The following GSE1 variants were observed in gnomAD, a reference collection of about 807,000 sequenced individuals.
The protein encoded by GSE1 is Gse1 coiled-coil protein.
In GSE1, 32 loss-of-function variants were observed where a neutral mutation model predicts 112.6. That is an observed-to-expected ratio of 0.28 (90% CI 0.21 to 0.38). The LOEUF is 0.38. Ranked by LOEUF, GSE1 falls within the 10% of genes least tolerant of loss-of-function variation. The probability of loss-of-function intolerance (pLI) is 1.00; values close to 1 mark genes in which losing one functional copy is unlikely to be tolerated. For missense variants in GSE1, 2,348 were observed against 1,699.2 expected (o/e 1.38, Z -6.71); for synonymous variants, 1,115 against 735.6 (o/e 1.52, Z -8.35).
rs1228484722 is a variant in GSE1, at chr16:85,673,822, G to C, written c.*1283G>C. The C allele has an allele frequency of 6.6e-6, 1 of 152,232 alleles. No homozygotes were observed. Among genetic ancestry groups the C allele is most frequent in the Admixed American group, 6.5e-5 (1 of 15,286 alleles). The allele number at this position is 152,232 out of a possible 1,614,324, so 9.4% of individuals were successfully genotyped here. On this transcript the variant is annotated 3_prime_UTR_variant, in exon 16 of 16. Transcript: ENST00000253458. ...GGGGCTTTTAAAAACCTTTCAGGAAGTCAATGATTTCTGTGATTGATATAA... is the reference window on the plus strand; with the variant it reads ...GGGGCTTTTAAAAACCTTTCAGGAACTCAATGATTTCTGTGATTGATATAA...
chr16:85,670,719 AG>A lies in GSE1; in HGVS notation c.3416-274del, dbSNP rs2053261381. ...TTTTTTTTTTGAAAGCTGCATTTTA[AG>A]GCCATCAAATTTCTTCCTAATCTGT... is the stretch of plus-strand genomic sequence containing the variant. On this transcript the variant is annotated intron_variant, in intron 14 of 15. Transcript: ENST00000253458. The A allele has an allele frequency of 1.3e-5, 3 of 226,960 alleles. No homozygotes were observed. In the East Asian group the frequency reaches 2.7e-4, roughly 20 times the overall value. The allele number at this position is 226,960 out of a possible 1,614,324, so 14.1% of individuals were successfully genotyped here.
rs781635099 is a variant in GSE1 at position 85,656,389 on chromosome 16, G to A, written c.1036G>A (p.Glu346Lys). Residue 346 changes from glutamate to lysine, a missense_variant, in exon 7 of 16, where the codon GAG becomes AAG. By Grantham distance (56) the Glu-to-Lys change is moderately conservative. Coordinates refer to ENST00000253458, the MANE Select transcript of GSE1 (RefSeq NM_014615.5). ...ELRRERERER[E>K]REREREADRE... ...AAGGCGGGAGAGGGAGCGCGAGCGC[G>A]AGCGCGAGCGTGAGCGTGAGGCTGA... 8.2e-6 allele frequency: 13 copies of A among 1,577,646 alleles called. No individual in the cohort carries two copies. The highest frequency in any genetic ancestry group is 1.7e-4 in the Middle Eastern group (1 of 5,938).
rs536283934 is a variant in GSE1, at chr16:85,435,905, T to C, written c.2464+78262T>C. On this transcript the variant is annotated intron_variant, in intron 2 of 2. Transcript: ENST00000637419. ...CAGGAAGCTGAGGCCACAGGGGACT[T>C]GTGTGTGCCTAAGTCCTTGGTACCC... Among the ~76,000 whole-genome samples, 160 of 152,126 alleles carry C rather than the reference T, an allele frequency of 1.1e-3. 1 individual carries two copies. The highest frequency in any genetic ancestry group is 2.0e-3 in the Admixed American group (31 of 15,290).
chr16:85,300,199 A>G (rs1244342207), intron 1 of GSE1, among the ~76,000 whole-genome samples: 3 of 152,016 alleles, frequency 2.0e-5, no homozygotes, highest in African/African-American at 7.3e-5. Context: ...TTTAGTAGAG[A>G]CGGGGTTTCT....
At chr16:85,306,890 C>T (rs554049584) in intron 1 of GSE1, among the ~76,000 whole-genome samples, 8 of 152,336 alleles carry the variant, frequency 5.3e-5, no homozygotes, top group Admixed American at 3.3e-4. Context: ...TCATAAAAGG[C>T]GGGAGCATAC....
Position 85,489,286 on chromosome 16 carries a change from G to C in GSE1, c.2464+131643G>C, listed in dbSNP as rs140199981. 8.2e-3 allele frequency among the ~76,000 whole-genome samples: 1,248 copies of C among 152,052 alleles called. 35 individuals are homozygous for C. In the East Asian group the frequency reaches 0.088, roughly 11 times the overall value. ...CTCCCCATCCTGGATGGGCTGTTGAGCCGGGCCGGTGAGAATTTTCTGAGC... is the reference window on the plus strand; with the variant it reads ...CTCCCCATCCTGGATGGGCTGTTGACCCGGGCCGGTGAGAATTTTCTGAGC... On this transcript the variant is annotated intron_variant, in intron 2 of 2. Coordinates refer to the GSE1 transcript ENST00000637419.
At chr16:85,211,311 TG>T (rs377294363) in intron 1 of GSE1, among the ~76,000 whole-genome samples, 4 of 150,690 alleles carry the variant, frequency 2.7e-5, no homozygotes, top group South Asian at 4.2e-4. Context: ...TTTTTTTTTT[TG>T]TTTTTTTTTT....
chr16:85,231,953 T>C (rs1286465075), intron 1 of GSE1, among the ~76,000 whole-genome samples: 3 of 152,208 alleles, frequency 2.0e-5, no homozygotes, highest in Non-Finnish European at 4.4e-5. Context: ...GGTGGCTCTT[T>C]TCTGACCGCC....
chr16:85,616,831 C>T (rs972853330), intron 1 of GSE1, among the ~76,000 whole-genome samples: 3 of 152,138 alleles, frequency 2.0e-5, no homozygotes, highest in South Asian at 4.1e-4. Flanking sequence ...CGGAGTGTCG[C>T]TGTCAATGAG....
intron 1 of GSE1, among the ~76,000 whole-genome samples, chr16:85,319,154 A>G (rs2046046439): frequency 6.6e-6 from 1 of 152,166 alleles, no homozygotes; most frequent in African/African-American, 2.4e-5. Flanking sequence ...CTTGACATTT[A>G]GGCAAATGCC....
intron 1 of GSE1, among the ~76,000 whole-genome samples, chr16:85,290,846 G>A (rs188512293): frequency 5.1e-4 from 77 of 152,270 alleles, no homozygotes; most frequent in Admixed American, 2.2e-3. Flanking sequence ...TCACCAGCTC[G>A]TGCAGTCCCC....
rs12716763 is a variant in GSE1, at chr16:85,412,586, C to T, written c.2464+54943C>T. On this transcript the variant is annotated intron_variant, in intron 2 of 2. Coordinates refer to the GSE1 transcript ENST00000637419. ...CAGGGCCCCCCTGGATAATCCTCAC[C>T]GTTACACTCAGGGCACCTGGATAAT... is the stretch of plus-strand genomic sequence containing the variant. Among the ~76,000 whole-genome samples the T allele has an allele frequency of 1.6e-3, 4 of 2,498 alleles. 1 individual carries two copies. Among genetic ancestry groups the T allele is most frequent in the Non-Finnish European group, 8.3e-3 (3 of 360 alleles). The allele number at this position is 2,498 out of a possible 152,430, so 1.6% of individuals were successfully genotyped here. A position where few individuals can be genotyped will look rare whatever the true frequency, so the allele number is the denominator to read the frequency against.
chr16:85,585,431 C>T (rs866118850), intron 1 of GSE1, among the ~76,000 whole-genome samples: 10 of 152,334 alleles, frequency 6.6e-5, no homozygotes, highest in Middle Eastern at 3.4e-3. Context: ...CTTGGAGGCC[C>T]GTGCCGTGAG....
chr16:85,338,123 C>T (rs1053895829), intron 1 of GSE1, among the ~76,000 whole-genome samples: 2 of 152,238 alleles, frequency 1.3e-5, no homozygotes, highest in Non-Finnish European at 2.9e-5. Context: ...CCTGTTCTTC[C>T]CTGGAGCCCT....
chr16:85,639,294 T>G (rs1214315892), intron 2 of GSE1, among the ~76,000 whole-genome samples: 1 of 152,334 alleles, frequency 6.6e-6, no homozygotes, highest in Admixed American at 6.5e-5. Flanking sequence ...AGCAGGGACC[T>G]GTCCCCTCCT....
At chr16:85,539,749 G>A (rs1271712574) in intron 2 of GSE1, among the ~76,000 whole-genome samples, 1 of 152,194 alleles carries the variant, frequency 6.6e-6, no homozygotes, top group Non-Finnish European at 1.5e-5. Context: ...TGACTAGAGT[G>A]ATTCACCAGG....
intron 1 of GSE1, among the ~76,000 whole-genome samples, chr16:85,357,184 T>C (rs2046967460): frequency 6.6e-6 from 1 of 152,158 alleles, no homozygotes; most frequent in Non-Finnish European, 1.5e-5. Context: ...AGCTCCAGTT[T>C]TGGATGGCCA....
chr16:85,468,505 T>C (rs1439025689), intron 2 of GSE1, among the ~76,000 whole-genome samples: 3 of 151,818 alleles, frequency 2.0e-5, no homozygotes, highest in Non-Finnish European at 2.9e-5. Flanking sequence ...TTAGTAGAGA[T>C]AGGGTTTTCA....
chr16:85,666,496 C>G, intron 13 of GSE1, 149 bp downstream of exon 13: 2 of 724,404 alleles, frequency 2.8e-6, no homozygotes, highest in Non-Finnish European at 4.6e-6. Context: ...GTTATTATGC[C>G]AAAACCATGT....
Sources: gnomAD v4.1 joint callset for allele counts (sites outside exome capture counted in the v4.1 genomes callset) on GRCh38, gnomAD v4.1.1 for gene constraint, MANE v1.5 for transcripts, NCBI Gene and HGNC (gene_info 2026-07-23, HGNC 2026-07-21) for gene names.